MTFMT: variants seen among roughly 807,000 people sequenced by gnomAD.
MTFMT encodes methionyl-tRNA formyltransferase, mitochondrial.
A neutral mutation model predicts 51.8 loss-of-function variants in MTFMT; 47 were observed. That is an observed-to-expected ratio of 0.91 (90% CI 0.72 to 1.16). The LOEUF is 1.16. Ranked by LOEUF, MTFMT falls within the 50% of genes most tolerant of loss-of-function variation. MTFMT has a pLI of 0.00. For synonymous variants in MTFMT, 196 were observed against 176.7 expected, an observed-to-expected ratio of 1.11 and a Z score of -0.87; for missense variants, 512 against 482.3, an observed-to-expected ratio of 1.06 and a Z score of -0.58.
chr15:65,020,292 AGTGTGATATATTC>A lies in MTFMT; in HGVS notation c.646-33_646-21del. 3 of 1,535,006 alleles carry A rather than the reference AGTGTGATATATTC, an allele frequency of 2.0e-6. No homozygotes were observed. The highest frequency in any genetic ancestry group is 2.7e-6 in the Non-Finnish European group (3 of 1,113,858). On this transcript the variant is annotated intron_variant, in intron 4 of 8. Transcript: ENST00000220058. ...AATGAGCTACAAAAAAAAAAAAAAG[AGTGTGATATATTC>A]AAAATGAAGGGAAGAACAAAAGCAG...
At position 65,026,364 on chromosome 15, in the gene MTFMT, C is replaced by T. The variant is rs571092491; in HGVS notation, c.419+467G>A. ...TACAAAAGTTTTGTAAATTTTCCTT[C>T]GAATACAGGTGATTTGAATTGTGAA... On this transcript the variant is annotated intron_variant, in intron 2 of 8. Coordinates refer to ENST00000220058, the MANE Select transcript of MTFMT (RefSeq NM_139242.4). 1.5e-4 allele frequency: 31 copies of T among 212,694 alleles called. No individual in the cohort carries two copies. The East Asian group carries it at 2.2e-3, about 15-fold the overall frequency. 13.2% of individuals were successfully genotyped at this position (212,694 alleles called of 1,614,324 possible).
chr15:65,008,566 G>C (rs998970884), intron 6 of MTFMT, among the ~76,000 whole-genome samples: 2 of 152,176 alleles, frequency 1.3e-5, no homozygotes, highest in Non-Finnish European at 2.9e-5. Context: ...GCCAGGACTG[G>C]CTTCTGTTTT....
In MTFMT at chr15:65,014,650, CAG is replaced by C. The variant is rs1262122561; in HGVS notation, c.813+1784_813+1785del. 3.2e-4 allele frequency among the ~76,000 whole-genome samples: 41 copies of C among 129,194 alleles called. 1 individual carries two copies. Among genetic ancestry groups the C allele is most frequent in the African/African-American group, 1.0e-3 (35 of 33,870 alleles). The allele number at this position is 129,194 out of a possible 152,430, so 84.8% of individuals were successfully genotyped here. On this transcript the variant is annotated intron_variant, in intron 6 of 8. Coordinates refer to ENST00000220058, the MANE Select transcript of MTFMT (RefSeq NM_139242.4). ...CTTTTTTTTTTTTTTTCTTTTGAGA[CAG>C]AGTCTTGCTCTGTCGCCCAGGCTGG...
chr15:65,012,083 T>C (rs1407096310), intron 6 of MTFMT, among the ~76,000 whole-genome samples: 2 of 143,478 alleles, frequency 1.4e-5, no homozygotes, highest in African/African-American at 2.6e-5. Flanking sequence ...GCTCCATTTA[T>C]TGAGAATACT....
At position 65,004,886 on chromosome 15, in the gene MTFMT, T is replaced by C; in HGVS notation, c.943A>G (p.Lys315Glu). The C allele has an allele frequency of 6.2e-7, 1 of 1,610,320 alleles. No homozygotes were observed. Among genetic ancestry groups the C allele is most frequent in the Non-Finnish European group, 8.5e-7 (1 of 1,177,842 alleles). Reference protein sequence around the residue: ...ALIPGSVIYHKQSQILLVYCK... With the variant: ...ALIPGSVIYHEQSQILLVYCK... ...TAAACCAATAGTATTTGTGACTGTT[T>C]GTGGTATATTACTGATCCTGGAATA... Residue 315 changes from lysine (K) to glutamate (E), a missense_variant, in exon 8 of 9, where the codon AAA becomes GAA. By Grantham distance (56) the Lys-to-Glu change is moderately conservative. Transcript: ENST00000220058.
At chr15:65,017,805 AAAG>A (rs1419217103) in intron 5 of MTFMT, among the ~76,000 whole-genome samples, 2 of 152,142 alleles carry the variant, frequency 1.3e-5, no homozygotes, top group East Asian at 1.9e-4. Context: ...AAAAAAAAAG[AAAG>A]AAGGAGGAAA....
At chr15:65,026,778 C>T in intron 2 of MTFMT, 53 bp downstream of exon 2, 1 of 1,345,764 alleles carries the variant, frequency 7.4e-7, no homozygotes, top group South Asian at 1.4e-5. Flanking sequence ...ATACAAGGTC[C>T]ATTTATAAAG....
chr15:65,008,547 A>C (rs958166959), intron 6 of MTFMT, among the ~76,000 whole-genome samples: 1 of 152,240 alleles, frequency 6.6e-6, no homozygotes, highest in South Asian at 2.1e-4. Context: ...CCAGCTAGTT[A>C]GTAGCAAAGC....
chr15:65,020,237 C>G lies in MTFMT; in HGVS notation c.681G>C (p.Leu227=). ...CCATTGGCTGCTGCCTTCCATTGCT[C>G]AGACTTTCAGGCAAATTTTTCAAAA... ...ISVLKNLPES[L]SNGRQQPMEG... Residue 227 remains leucine (L), a synonymous_variant, in exon 5 of 9, where the codon CTG becomes CTC. Coordinates refer to ENST00000220058, the MANE Select transcript of MTFMT (RefSeq NM_139242.4). 2 of 1,607,560 alleles carry G rather than the reference C, an allele frequency of 1.2e-6. No individual in the cohort carries two copies. Among genetic ancestry groups the G allele is most frequent in the South Asian group, 2.2e-5 (2 of 90,606 alleles).
At position 65,029,598 on chromosome 15, in the gene MTFMT, G is replaced by C. The variant is rs199599204; in HGVS notation, c.16C>G (p.Arg6Gly). 4.1e-4 allele frequency: 580 copies of C among 1,429,532 alleles called. 3 individuals carry two copies. The African/African-American group carries it at 8.1e-3, about 20-fold the overall frequency. The allele number at this position is 1,429,532 out of a possible 1,614,324, so 88.6% of individuals were successfully genotyped here. A position where few individuals can be genotyped will look rare whatever the true frequency, so the allele number is the denominator to read the frequency against. Residue 6 changes from arginine to glycine, a missense_variant, in exon 1 of 9, where the codon CGG becomes GGG. By Grantham distance (125) the Arg-to-Gly change is moderately radical. Coordinates refer to ENST00000220058, the MANE Select transcript of MTFMT (RefSeq NM_139242.4). ...GCCAGCGGAGGACCCCAACAGCGCC[G>C]CACCAACACCCTCATCGCCTCGGCC... MRVLV[R>G]RCWGPPLAHG...
At chr15:65,007,652 GA>G (rs939390142) in intron 6 of MTFMT, among the ~76,000 whole-genome samples, 2 of 152,088 alleles carry the variant, frequency 1.3e-5, no homozygotes, top group Non-Finnish European at 1.5e-5. Context: ...GGATAAGTGA[GA>G]AAAAAATATG....
chr15:65,006,286 C>G, intron 6 of MTFMT, 95 bp from the exon 7 acceptor site: 2 of 884,038 alleles, frequency 2.3e-6, no homozygotes, highest in Non-Finnish European at 3.6e-6. Flanking sequence ...ACTTTTCTTT[C>G]AATTAGAGGA....
Position 65,013,207 on chromosome 15 carries a change from T to G in MTFMT, c.813+3229A>C, listed in dbSNP as rs185845756. Among the ~76,000 whole-genome samples, 392 of 152,276 alleles carry G rather than the reference T, an allele frequency of 2.6e-3. 3 individuals are homozygous for G. Among genetic ancestry groups the G allele is most frequent in the Non-Finnish European group, 4.8e-3 (325 of 68,018 alleles). ...AAGTTGAATAGAAGACATTTAACTT[T>G]GAGAGCGCAGACATCTTTATCTTCT... On this transcript the variant is annotated intron_variant, in intron 6 of 8. Coordinates refer to ENST00000220058, the MANE Select transcript of MTFMT (RefSeq NM_139242.4).
intron 6 of MTFMT, among the ~76,000 whole-genome samples, chr15:65,012,775 C>A (rs948403993): frequency 6.6e-6 from 1 of 152,138 alleles, no homozygotes; most frequent in Non-Finnish European, 1.5e-5. Flanking sequence ...AGTTTTACAG[C>A]AAGTTTTGAA....
intron 6 of MTFMT, among the ~76,000 whole-genome samples, chr15:65,008,772 A>T (rs2086239348): frequency 6.6e-6 from 1 of 152,220 alleles, no homozygotes; most frequent in Non-Finnish European, 1.5e-5. Context: ...CCGCTTCAAT[A>T]AAAGTTCTGA....
Position 65,029,506 on chromosome 15 carries a change from G to T in MTFMT, c.108C>A (p.Asp36Glu). 1 of 1,532,010 alleles carries T rather than the reference G, an allele frequency of 6.5e-7. No individual in the cohort carries two copies. The allele number at this position is 1,532,010 out of a possible 1,614,324, so 94.9% of individuals were successfully genotyped here. Reference protein sequence around the residue: ...WRALARLGWEDCRDSRVREKP... With the variant: ...WRALARLGWEECRDSRVREKP... Reference sequence around the variant, plus strand: ...TCTCGCGGACTCTGGAGTCCCGGCAGTCCTCCCAGCCGAGTCGGGCCAGTG... The same window carrying T: ...TCTCGCGGACTCTGGAGTCCCGGCATTCCTCCCAGCCGAGTCGGGCCAGTG... The change falls in exon 1 of 9, where the codon GAC becomes GAA. Residue 36 changes from aspartate to glutamate, a missense_variant. Coordinates refer to ENST00000220058, the MANE Select transcript of MTFMT (RefSeq NM_139242.4).
intron 8 of MTFMT, 46 bp from the exon 9 acceptor site, chr15:65,003,302 T>C: frequency 6.9e-7 from 1 of 1,453,100 alleles, no homozygotes. Flanking sequence ...GTGGCAAAAC[T>C]AAAAAGCCAA....
chr15:65,019,154 A>G (rs1029814673), intron 5 of MTFMT, among the ~76,000 whole-genome samples: 4 of 152,216 alleles, frequency 2.6e-5, no homozygotes, highest in Non-Finnish European at 4.4e-5. Context: ...TGCTAATTGC[A>G]AAAGGGAAAA....
At chr15:65,020,941 C>A (rs2946662) in intron 4 of MTFMT, among the ~76,000 whole-genome samples, 73,004 of 152,056 alleles carry the variant, frequency 0.48, 18,201 homozygotes, top group South Asian at 0.65. Flanking sequence ...AATACCATCT[C>A]TACAGGTGGG....
Sources: allele counts gnomAD v4.1 joint callset (sites outside exome capture counted in the v4.1 genomes callset), GRCh38; gene constraint gnomAD v4.1.1; transcripts MANE v1.5; gene names NCBI Gene and HGNC (gene_info 2026-07-23, HGNC 2026-07-21).